TBXAS1: variants seen among roughly 807,000 people sequenced by gnomAD.
TBXAS1 encodes thromboxane-A synthase.
In TBXAS1, 48 loss-of-function variants were observed where a neutral mutation model predicts 60.7. The ratio of observed to expected loss-of-function variants is 0.79; its 90% CI spans 0.63 to 1.01. The LOEUF (loss-of-function observed/expected upper bound fraction) is 1.01. Among genes scored for constraint, TBXAS1 ranks in the 50% least tolerant of loss-of-function variants. The pLI, the probability that TBXAS1 is intolerant of heterozygous loss-of-function variation, is 0.00. For synonymous variants in TBXAS1, 287 were observed against 269.7 expected (o/e 1.06, Z -0.63); for missense variants, 685 against 686.3 (o/e 1.00, Z 0.02).
At chr7:139,932,688 G>A (rs893988641) in intron 4 of TBXAS1, among the ~76,000 whole-genome samples, 2 of 152,136 alleles carry the variant, frequency 1.3e-5, no homozygotes, top group African/African-American at 4.8e-5. Context: ...TTTCTTAAAT[G>A]ACATGATTCA....
intron 9 of TBXAS1, among the ~76,000 whole-genome samples, chr7:139,991,684 A>G (rs915087346): frequency 6.6e-6 from 1 of 152,250 alleles, no homozygotes; most frequent in Admixed American, 6.5e-5. Context: ...ATCGTTTTAC[A>G]TGGAAGATGG....
intron 1 of TBXAS1, among the ~76,000 whole-genome samples, chr7:139,837,656 T>G (rs1262138936): frequency 6.6e-6 from 1 of 152,000 alleles, no homozygotes; most frequent in Non-Finnish European, 1.5e-5. Flanking sequence ...TTTGGGGACT[T>G]GGAGGGAAGT....
rs1471819607 is a variant in TBXAS1 at position 140,013,217 on chromosome 7, C to G, written c.1227-2506C>G. On this transcript the variant is annotated intron_variant, in intron 10 of 12. Transcript: ENST00000448866. The surrounding 1 kb of genome is among the most constrained non-coding windows in gnomAD (Gnocchi z 4.2). ...GTCTGGCAAGTGAACTGTTTGCTCA[C>G]GCAAGCAAACCATTGTCCTGATAGG... Among the ~76,000 whole-genome samples the G allele has an allele frequency of 6.6e-6, 1 of 152,298 alleles. No homozygotes were observed. Among genetic ancestry groups the G allele is most frequent in the South Asian group, 2.1e-4 (1 of 4,826 alleles).
chr7:139,892,332 G>A (rs903563577), intron 3 of TBXAS1, among the ~76,000 whole-genome samples: 6 of 152,004 alleles, frequency 3.9e-5, no homozygotes, highest in Non-Finnish European at 5.9e-5. Flanking sequence ...GTGGCTCACC[G>A]CTGTAATCCC....
At position 139,965,727 on chromosome 7, in the gene TBXAS1, A is replaced by T. The variant is rs1389449307; in HGVS notation, c.1134+3494A>T. ...TATGTGATAGCTGGTTGTGGGGGGGAGTCTCTGAAAAATGGGAATATCTAC... is the reference window on the plus strand; with the variant it reads ...TATGTGATAGCTGGTTGTGGGGGGGTGTCTCTGAAAAATGGGAATATCTAC... On this transcript the variant is annotated intron_variant, in intron 9 of 12. Coordinates refer to ENST00000448866, the MANE Select transcript of TBXAS1 (RefSeq NM_001061.7). Among the ~76,000 whole-genome samples, 3 of 151,936 alleles carry T rather than the reference A, an allele frequency of 2.0e-5. No individual in the cohort carries two copies. In the East Asian group the frequency reaches 5.8e-4, roughly 29 times the overall value.
chr7:139,990,901 A>C (rs1224912652), intron 9 of TBXAS1, among the ~76,000 whole-genome samples: 1 of 152,152 alleles, frequency 6.6e-6, no homozygotes, highest in Admixed American at 6.5e-5. Flanking sequence ...CCTTCAGGCT[A>C]ACCCCCTTGG....
chr7:139,883,659 G>A (rs1293708219), intron 3 of TBXAS1, among the ~76,000 whole-genome samples: 2 of 152,084 alleles, frequency 1.3e-5, no homozygotes, highest in Non-Finnish European at 2.9e-5. Context: ...AATGGATTTA[G>A]GCCAATCACT....
At chr7:140,003,441 G>T (rs1159125633) in intron 9 of TBXAS1, among the ~76,000 whole-genome samples, 2 of 152,102 alleles carry the variant, frequency 1.3e-5, no homozygotes, top group Non-Finnish European at 2.9e-5. Flanking sequence ...CTCACCTCAG[G>T]TGATCCACCC....
At chr7:139,894,404 G>C (rs58747117) in intron 3 of TBXAS1, among the ~76,000 whole-genome samples, 2,838 of 152,148 alleles carry the variant, frequency 0.019, 83 homozygotes, top group African/African-American at 0.065. Context: ...CCTCCCTCAG[G>C]CTGGCTCGTG....
chr7:139,934,823 C>CT (rs1569515577), intron 4 of TBXAS1, among the ~76,000 whole-genome samples: 1 of 152,004 alleles, frequency 6.6e-6, no homozygotes, highest in Admixed American at 6.5e-5. Context: ...TTAATTACCT[C>CT]TTTTTTTGAG....
rs1171702066 is a variant in TBXAS1, at chr7:139,852,645, TA to T, written c.90-19589del. Among the ~76,000 whole-genome samples, 4 of 152,164 alleles carry T rather than the reference TA, an allele frequency of 2.6e-5. No homozygotes were observed. The highest frequency in any genetic ancestry group is 4.4e-5 in the Non-Finnish European group (3 of 68,022). ...AAACATGATGCAAGGGGATTATAAA[TA>T]TTTTTTTGAAACTCTTAACAATATT... On this transcript the variant is annotated intron_variant, in intron 1 of 12. Coordinates refer to ENST00000448866, the MANE Select transcript of TBXAS1 (RefSeq NM_001061.7). This position sits in a 1 kb window ranked among gnomAD's most constrained non-coding sequence, Gnocchi z 4.4.
rs182643496 is a variant in TBXAS1 at position 139,909,051 on chromosome 7, G to A, written c.237-2174G>A. On this transcript the variant is annotated intron_variant, in intron 3 of 12. Transcript: ENST00000448866. Reference sequence around the variant, plus strand: ...AAAACCTGCTGTCCTTTGAACTGGTGTTCCCTATAGATAATACATTATTTC... The same window carrying A: ...AAAACCTGCTGTCCTTTGAACTGGTATTCCCTATAGATAATACATTATTTC... Among the ~76,000 whole-genome samples, 6 of 152,234 alleles carry A rather than the reference G, an allele frequency of 3.9e-5. No homozygotes were observed. In the East Asian group the frequency reaches 1.2e-3, roughly 29 times the overall value.
intron 1 of TBXAS1, 110 bp from the exon 2 acceptor site, chr7:139,872,125 T>G: frequency 1.8e-6 from 2 of 1,141,326 alleles, no homozygotes; most frequent in Non-Finnish European, 2.6e-6. Flanking sequence ...ACTGGAAACC[T>G]ATTCTTTTGC....
At chr7:139,783,698 T>C (rs1050443049) in intron 3 of TBXAS1, among the ~76,000 whole-genome samples, 1 of 152,242 alleles carries the variant, frequency 6.6e-6, no homozygotes, top group Non-Finnish European at 1.5e-5. Flanking sequence ...CATGAATCAG[T>C]GGACCTGTGC....
In TBXAS1 at chr7:139,879,832, T is replaced by TTGTGTGTG. The variant is rs57176056; in HGVS notation, c.236+4235_236+4242dup. On this transcript the variant is annotated intron_variant, in intron 3 of 12. Transcript: ENST00000448866. The stretch of plus-strand genomic sequence containing the variant: ...AAGCTCCTTTTCCCTTTATCTCATT[T>TTGTGTGTG]TGTGTGTGTGTGTGTGTGTGTGTGT... 6.0e-3 allele frequency among the ~76,000 whole-genome samples: 848 copies of TTGTGTGTG among 140,474 alleles called. 12 individuals are homozygous for TTGTGTGTG. Among genetic ancestry groups the TTGTGTGTG allele is most frequent in the African/African-American group, 0.016 (611 of 37,184 alleles). The allele number at this position is 140,474 out of a possible 152,430, so 92.2% of individuals were successfully genotyped here. A position where few individuals can be genotyped will look rare whatever the true frequency, so the allele number is the denominator to read the frequency against.
chr7:139,806,924 T>C (rs1797893035), intron 4 of TBXAS1, among the ~76,000 whole-genome samples: 1 of 152,204 alleles, frequency 6.6e-6, no homozygotes, highest in Admixed American at 6.5e-5. Context: ...CTTTGAACAG[T>C]GATTGTCTGC....
chr7:139,872,085 C>T (rs1260259347), intron 1 of TBXAS1, 150 bp from the exon 2 acceptor site: 6 of 694,248 alleles, frequency 8.6e-6, no homozygotes, highest in African/African-American at 1.8e-5. Context: ...CAACTCTAGG[C>T]CTCCAATTTT....
At chr7:139,937,391 A>G (rs1807876241) in intron 5 of TBXAS1, among the ~76,000 whole-genome samples, 1 of 152,182 alleles carries the variant, frequency 6.6e-6, no homozygotes, top group Non-Finnish European at 1.5e-5. Context: ...GTCCTGATTG[A>G]ATTCCTATAA....
intron 5 of TBXAS1, among the ~76,000 whole-genome samples, chr7:139,950,593 C>T (rs1197689834): frequency 6.6e-6 from 1 of 152,142 alleles, no homozygotes; most frequent in African/African-American, 2.4e-5. Flanking sequence ...GCCATTGTCC[C>T]TGCCTTGGTT....
Sources: gnomAD v4.1 joint callset for allele counts (sites outside exome capture counted in the v4.1 genomes callset) on GRCh38, gnomAD v4.1.1 for gene constraint, Gnocchi (gnomAD v3.1) non-coding constraint, MANE v1.5 for transcripts, NCBI Gene and HGNC (gene_info 2026-07-23, HGNC 2026-07-21) for gene names.